The following GAL3ST4 variants were observed in gnomAD, a reference collection of about 807,000 sequenced individuals.
GAL3ST4 encodes beta-galactose-3-O-sulfotransferase 4.
GAL3ST4 carries 30 observed loss-of-function variants against 31.6 expected under a neutral mutation model. The ratio of observed to expected loss-of-function variants is 0.95; its 90% CI spans 0.71 to 1.29. GAL3ST4 has a LOEUF of 1.29. Among genes scored for constraint, GAL3ST4 ranks in the 50% most tolerant of loss-of-function variants. GAL3ST4 has a pLI of 0.00. For synonymous variants in GAL3ST4, 248 were observed against 256.9 expected, an observed-to-expected ratio of 0.97 and a Z score of 0.33; for missense variants, 629 against 625.2, an observed-to-expected ratio of 1.01 and a Z score of -0.06.
rs570514466 is a variant in GAL3ST4, at chr7:100,160,311, G to T, written c.1078C>A (p.Arg360=). 1 of 1,613,630 alleles carries T rather than the reference G, an allele frequency of 6.2e-7. No individual in the cohort carries two copies. The highest frequency in any genetic ancestry group is 8.5e-7 in the Non-Finnish European group (1 of 1,179,874). ...GCCCAGTCCAGGTTGTTCCAGGCTC[G>T]GGCCCGTGCAGTCAGCTGCCGGTCC... is the stretch of plus-strand genomic sequence containing the variant. The part of the protein sequence containing the change: ...AEDRQLTARA[R]AWNNLDWALY... The change falls in exon 4 of 4, where the codon CGA becomes AGA. Residue 360 remains arginine, a synonymous_variant. Coordinates refer to ENST00000360039, the MANE Select transcript of GAL3ST4 (RefSeq NM_024637.5).
chr7:100,163,019 C>T (rs1158907155), intron 3 of GAL3ST4, among the ~76,000 whole-genome samples: 1 of 152,196 alleles, frequency 6.6e-6, no homozygotes, highest in Admixed American at 6.5e-5. Context: ...CCTTTGTACT[C>T]ATTTCTCCAG....
At position 100,159,928 on chromosome 7, in the gene GAL3ST4, T is replaced by G. The variant is rs755118199; in HGVS notation, c.1461A>C (p.Ter487TyrextTer14). ...PLKTSRPLSP[*>Y] ...TCCACCTAAATCTGTAGTCTGATGT[T>G]TATGGGGAGAGTGGCCTTGAAGTCT... The change falls in exon 4 of 4, where the codon TAA becomes TAC. Residue 487 changes from the stop codon to tyrosine, a stop_lost. Coordinates refer to ENST00000360039, the MANE Select transcript of GAL3ST4 (RefSeq NM_024637.5). The G allele has an allele frequency of 1.3e-6, 2 of 1,596,780 alleles. No individual in the cohort carries two copies. The highest frequency in any genetic ancestry group is 1.7e-6 in the Non-Finnish European group (2 of 1,170,622).
In GAL3ST4 at chr7:100,168,184, A is replaced by G. The variant is rs528936965; in HGVS notation, c.-189+362T>C. On this transcript the variant is annotated intron_variant, in intron 1 of 3. Transcript: ENST00000360039. This position sits in a 1 kb window ranked among gnomAD's most constrained non-coding sequence, Gnocchi z 4.1. ...CCGCCCCTTCAGATTACAACTCGCG[A>G]TCAGGGACCACGGCCCCTCCAACAA... 3.3e-5 allele frequency: 5 copies of G among 152,296 alleles called. No homozygotes were observed. In the East Asian group the frequency reaches 7.7e-4, roughly 24 times the overall value. 9.4% of individuals were successfully genotyped at this position (152,296 alleles called of 1,614,324 possible). A position where few individuals can be genotyped will look rare whatever the true frequency, so the allele number is the denominator to read the frequency against.
At chr7:100,166,843 C>A in intron 2 of GAL3ST4, 38 bp from the exon 3 acceptor site, 1 of 1,562,066 alleles carries the variant, frequency 6.4e-7, no homozygotes, top group South Asian at 1.2e-5. Flanking sequence ...TGTTCCTCAG[C>A]AGCAAATGGG....
rs768865276 is a variant in GAL3ST4 at position 100,166,553 on chromosome 7, G to C, written c.378C>G (p.Thr126=). ...VKGYRPQGGG[T]QLPFHILCHH... ...GACAGAGGATGTGGAAGGGGAGCTGGGTGCCTCCACCCTGTGGGCGGTAGC... is the reference window on the plus strand; with the variant it reads ...GACAGAGGATGTGGAAGGGGAGCTGCGTGCCTCCACCCTGTGGGCGGTAGC... The change falls in exon 3 of 4, where the codon ACC becomes ACG. Residue 126 remains threonine, a synonymous_variant. Transcript: ENST00000360039. 2.5e-6 allele frequency: 4 copies of C among 1,614,014 alleles called. No individual in the cohort carries two copies. In the African/African-American group the frequency reaches 5.3e-5, roughly 22 times the overall value.
At chr7:100,162,611 A>AGGGGGGG in intron 3 of GAL3ST4, among the ~76,000 whole-genome samples, 1 of 19,136 alleles carries the variant, frequency 5.2e-5, no homozygotes, top group African/African-American at 2.1e-4. Flanking sequence ...AGGGGAGGGG[A>AGGGGGGG]GGGGAGGGGA....
At position 100,167,206 on chromosome 7, in the gene GAL3ST4, G is replaced by A. The variant is rs1799089590; in HGVS notation, c.-111C>T. On this transcript the variant is annotated 5_prime_UTR_variant, in exon 2 of 4. Coordinates refer to ENST00000360039, the MANE Select transcript of GAL3ST4 (RefSeq NM_024637.5). ...GCGGAAGGCACTGGTTGGAGATCGG[G>A]GGGTCATTCCCCAGGCCTGCTCACA... 1 of 1,544,142 alleles carries A rather than the reference G, an allele frequency of 6.5e-7. No homozygotes were observed. Among genetic ancestry groups the A allele is most frequent in the Admixed American group, 2.0e-5 (1 of 50,684 alleles).
chr7:100,159,954 T>G lies in GAL3ST4; in HGVS notation c.1435A>C (p.Lys479Gln). The change falls in exon 4 of 4, where the codon AAG becomes CAG. Residue 479 changes from lysine to glutamine, a missense_variant. Coordinates refer to ENST00000360039, the MANE Select transcript of GAL3ST4 (RefSeq NM_024637.5). The stretch of plus-strand genomic sequence containing the variant: ...TATGGGGAGAGTGGCCTTGAAGTCT[T>G]GAGGGGCAGTGAGACGGTAGGGGGG... ...QFPPTVSLPLKTSRPLSP is the reference protein window; with the variant it reads ...QFPPTVSLPLQTSRPLSP The G allele has an allele frequency of 6.2e-7, 1 of 1,610,150 alleles. No individual in the cohort carries two copies. Among genetic ancestry groups the G allele is most frequent in the South Asian group, 1.1e-5 (1 of 90,526 alleles).
Position 100,159,845 on chromosome 7 carries a change from G to T in GAL3ST4, c.*83C>A. On this transcript the variant is annotated 3_prime_UTR_variant, in exon 4 of 4. Transcript: ENST00000360039. ...AGACTCATCCCTTCTGGGAGATGCA[G>T]AAATGGCATCTTGCTGCCCCCCACT... 1 of 1,181,982 alleles carries T rather than the reference G, an allele frequency of 8.5e-7. No individual in the cohort carries two copies. Among genetic ancestry groups the T allele is most frequent in the South Asian group, 1.4e-5 (1 of 68,994 alleles). 73.2% of individuals were successfully genotyped at this position (1,181,982 alleles called of 1,614,324 possible). A position where few individuals can be genotyped will look rare whatever the true frequency, so the allele number is the denominator to read the frequency against.
intron 3 of GAL3ST4, among the ~76,000 whole-genome samples, chr7:100,162,765 C>T (rs973604800): frequency 1.3e-5 from 2 of 149,540 alleles, no homozygotes; most frequent in East Asian, 3.9e-4. Flanking sequence ...AGCAAACCAC[C>T]GTGGCACATG....
intron 3 of GAL3ST4, 88 bp downstream of exon 3, chr7:100,166,414 G>A: frequency 7.3e-7 from 1 of 1,376,864 alleles, no homozygotes; most frequent in East Asian, 2.3e-5. Context: ...GATGCCTGGG[G>A]AGCCCCCAGG....
In GAL3ST4 at chr7:100,167,152, CAG is replaced by C; in HGVS notation, c.-59_-58del. The stretch of plus-strand genomic sequence containing the variant: ...ATGGAGCCAGGGCCAGGAAGAGGGG[CAG>C]AGACAGCTGGAGACAGCCGTGCAGC... On this transcript the variant is annotated 5_prime_UTR_variant, in exon 2 of 4. Transcript: ENST00000360039. 6.4e-7 allele frequency: 1 copy of C among 1,551,584 alleles called. No homozygotes were observed. Among genetic ancestry groups the C allele is most frequent in the Non-Finnish European group, 8.7e-7 (1 of 1,147,010 alleles).
chr7:100,165,523 T>C (rs1261212905), intron 3 of GAL3ST4, among the ~76,000 whole-genome samples: 1 of 150,200 alleles, frequency 6.7e-6, no homozygotes, highest in African/African-American at 2.5e-5. Context: ...GTGGGGGAGG[T>C]GGGGCCCTGG....
Position 100,159,550 on chromosome 7 carries a change from C to T in GAL3ST4, c.*378G>A, listed in dbSNP as rs2116966655. 1 of 178,432 alleles carries T rather than the reference C, an allele frequency of 5.6e-6. No individual in the cohort carries two copies. Among genetic ancestry groups the T allele is most frequent in the East Asian group, 1.6e-4 (1 of 6,416 alleles). 11.1% of individuals were successfully genotyped at this position (178,432 alleles called of 1,614,324 possible). A position where few individuals can be genotyped will look rare whatever the true frequency, so the allele number is the denominator to read the frequency against. ...CCAGCCTAACCAACATGTTGAATCC[C>T]TGTCTCTAAAAATATAAAAATTAGC... On this transcript the variant is annotated 3_prime_UTR_variant, in exon 4 of 4. Transcript: ENST00000360039.
intron 3 of GAL3ST4, among the ~76,000 whole-genome samples, chr7:100,165,819 T>TCACACACACACACA (rs61284255): frequency 0.027 from 3,668 of 136,280 alleles, 148 homozygotes; most frequent in African/African-American, 0.046. Context: ...AGACCCTGTC[T>TCACACACACACACA]CACACACACA....
Position 100,160,209 on chromosome 7 carries a change from CCACAGCTGTCTG to C in GAL3ST4, c.1168_1179del (p.Gln390_Val393del). 3.1e-6 allele frequency: 5 copies of C among 1,614,122 alleles called. No individual in the cohort carries two copies. Among genetic ancestry groups the C allele is most frequent in the Non-Finnish European group, 4.2e-6 (5 of 1,180,022 alleles). On this transcript the variant is annotated inframe_deletion, in exon 4 of 4. Coordinates refer to ENST00000360039, the MANE Select transcript of GAL3ST4 (RefSeq NM_024637.5). Reference sequence around the variant, plus strand: ...GCCTCTCGGCGAGCCCGGAGCTCGGCCACAGCTGTCTGCAGCCGGCCCTGGCCGTATTTCTCT... The same window carrying C: ...GCCTCTCGGCGAGCCCGGAGCTCGGCCAGCCGGCCCTGGCCGTATTTCTCT...
chr7:100,166,669 G>C lies in GAL3ST4; in HGVS notation c.262C>G (p.Arg88Gly), dbSNP rs376538136. Residue 88 changes from arginine (R) to glycine (G), a missense_variant, in exon 3 of 4, where the codon CGC becomes GGC. Transcript: ENST00000360039. ...GSSSVLSLLH[R>G]YGDQHGLRFA... The stretch of plus-strand genomic sequence containing the variant: ...CGCAGCCCGTGCTGGTCCCCATAGC[G>C]GTGAAGCAGGCTCAGCACAGAGCTG... 1.2e-6 allele frequency: 2 copies of C among 1,614,208 alleles called. No individual in the cohort carries two copies. Among genetic ancestry groups the C allele is most frequent in the South Asian group, 2.2e-5 (2 of 91,088 alleles).
Position 100,167,194 on chromosome 7 carries a change from G to T in GAL3ST4, c.-99C>A, listed in dbSNP as rs1215558034. The T allele has an allele frequency of 1.3e-6, 2 of 1,547,476 alleles. No individual in the cohort carries two copies. The highest frequency in any genetic ancestry group is 1.7e-6 in the Non-Finnish European group (2 of 1,145,136). On this transcript the variant is annotated 5_prime_UTR_variant, in exon 2 of 4. Transcript: ENST00000360039. ...AGCCGTGCAGCTGCGGAAGGCACTG[G>T]TTGGAGATCGGGGGGTCATTCCCCA...
rs1798978626 is a variant in GAL3ST4, at chr7:100,160,368, T to C, written c.1021A>G (p.Ser341Gly). The C allele has an allele frequency of 6.2e-7, 1 of 1,613,968 alleles. No individual in the cohort carries two copies. Among genetic ancestry groups the C allele is most frequent in the Non-Finnish European group, 8.5e-7 (1 of 1,180,032 alleles). ...NAQAGHKQGLSTVSNSGLTAE... is the reference protein window; with the variant it reads ...NAQAGHKQGLGTVSNSGLTAE... ...GTCAGTCCACTGTTGCTGACAGTGC[T>C]GAGGCCCTGCTTATGTCCAGCCTGG... Residue 341 changes from serine to glycine, a missense_variant, in exon 4 of 4, where the codon AGC becomes GGC. Ser to Gly is a moderately conservative substitution (Grantham distance 56, BLOSUM62 0). Transcript: ENST00000360039.
Sources: allele counts gnomAD v4.1 joint callset (sites outside exome capture counted in the v4.1 genomes callset), GRCh38; gene constraint gnomAD v4.1.1; non-coding constraint Gnocchi (gnomAD v3.1); transcripts MANE v1.5; gene names NCBI Gene and HGNC (gene_info 2026-07-23, HGNC 2026-07-21).